CDH11: variants seen among roughly 807,000 people sequenced by gnomAD.
CDH11 encodes cadherin-11.
In CDH11, 11 loss-of-function variants were observed where a neutral mutation model predicts 67.8. The observed-to-expected ratio is 0.16, with a 90% CI of 0.10 to 0.27. The LOEUF (loss-of-function observed/expected upper bound fraction) is 0.27. CDH11 is among the 10% of genes least tolerant of loss of function. The pLI is 1.00. For synonymous variants in CDH11, 419 were observed against 400.0 expected (o/e 1.05, Z -0.57); for missense variants, 847 against 1,031.2 (o/e 0.82, Z 2.45).
intron 1 of CDH11, among the ~76,000 whole-genome samples, chr16:65,085,214 A>C (rs908609798): frequency 6.6e-6 from 1 of 152,282 alleles, no homozygotes; most frequent in Non-Finnish European, 1.5e-5. Flanking sequence ...CCTGGCCTTA[A>C]AAAATTATTT....
chr16:65,044,761 G>A (rs552822806), intron 2 of CDH11, among the ~76,000 whole-genome samples: 34 of 152,272 alleles, frequency 2.2e-4, no homozygotes, highest in African/African-American at 7.7e-4. Context: ...GCTTCTGGGA[G>A]TTGGGCCTGG....
At position 64,945,379 on chromosome 16, in the gene CDH11, T is replaced by G; in HGVS notation, c.*2224A>C. 2.0e-6 allele frequency: 2 copies of G among 1,024,116 alleles called. No individual in the cohort carries two copies. The highest frequency in any genetic ancestry group is 2.4e-6 in the Non-Finnish European group (2 of 849,922). 63.4% of individuals were successfully genotyped at this position (1,024,116 alleles called of 1,614,324 possible). A position where few individuals can be genotyped will look rare whatever the true frequency, so the allele number is the denominator to read the frequency against. On this transcript the variant is annotated 3_prime_UTR_variant, in exon 13 of 13. Transcript: ENST00000268603. ...AGTAAACAGCCTTTTTAAAAAAGACTTCAACATAAAAATGCGAAAATGTAG... is the reference window on the plus strand; with the variant it reads ...AGTAAACAGCCTTTTTAAAAAAGACGTCAACATAAAAATGCGAAAATGTAG...
intron 3 of CDH11, among the ~76,000 whole-genome samples, chr16:64,999,507 A>T (rs2072861930): frequency 6.6e-6 from 1 of 152,018 alleles, no homozygotes; most frequent in African/African-American, 2.4e-5. Context: ...TATGGAGGTT[A>T]TTATTTTTTA....
At chr16:65,004,526 C>G in intron 3 of CDH11, 116 bp downstream of exon 3, 1 of 1,052,918 alleles carries the variant, frequency 9.5e-7, no homozygotes, top group Non-Finnish European at 1.3e-6. Flanking sequence ...ACTGGCTCTT[C>G]AAGCCATTGG....
intron 2 of CDH11, among the ~76,000 whole-genome samples, chr16:65,006,143 T>A (rs547745286): frequency 6.6e-6 from 1 of 152,282 alleles, no homozygotes; most frequent in East Asian, 1.9e-4. Flanking sequence ...TTCTGGAGAA[T>A]CACCTTCTCT....
intron 8 of CDH11, 141 bp downstream of exon 8, chr16:64,981,907 C>A: frequency 1.4e-6 from 1 of 716,800 alleles, no homozygotes; most frequent in South Asian, 2.1e-5. Context: ...TCTTCTAAAT[C>A]TTAATCTTGT....
intron 11 of CDH11, among the ~76,000 whole-genome samples, chr16:64,966,262 T>C (rs551528459): frequency 4.7e-4 from 71 of 152,186 alleles, no homozygotes; most frequent in Non-Finnish European, 7.4e-4. Flanking sequence ...AGTCAGACCA[T>C]GGTTTTGGAC....
At chr16:64,948,179 C>A in intron 12 of CDH11, 80 bp from the exon 13 acceptor site, 1 of 1,527,106 alleles carries the variant, frequency 6.5e-7, no homozygotes, top group Non-Finnish European at 8.8e-7. Flanking sequence ...CTCTGATTAC[C>A]ATAAACCATG....
At chr16:64,988,860 C>A (rs1413452602) in intron 6 of CDH11, among the ~76,000 whole-genome samples, 1 of 152,146 alleles carries the variant, frequency 6.6e-6, no homozygotes, top group Non-Finnish European at 1.5e-5. Context: ...TTCGACACTC[C>A]CCTTATTTCA....
intron 2 of CDH11, among the ~76,000 whole-genome samples, chr16:65,030,716 G>A (rs895647188): frequency 1.3e-5 from 2 of 152,164 alleles, no homozygotes; most frequent in African/African-American, 4.8e-5. Context: ...GGCTACAGGA[G>A]CATGCCACTG....
At position 65,101,276 on chromosome 16, in the gene CDH11, G is replaced by C. The variant is rs371471929; in HGVS notation, c.-298+20604C>G. 2.0e-5 allele frequency among the ~76,000 whole-genome samples: 3 copies of C among 152,276 alleles called. No individual in the cohort carries two copies. In the East Asian group the frequency reaches 5.8e-4, roughly 30 times the overall value. On this transcript the variant is annotated intron_variant, in intron 1 of 12. Transcript: ENST00000268603. ...CAAGAAGACACCAACCAATCATGAG[G>C]AGAGACAGGCATGCACAAGCAGAGC...
chr16:65,060,354 TAGAGAG>T (rs199842037), intron 1 of CDH11, among the ~76,000 whole-genome samples: 2 of 144,952 alleles, frequency 1.4e-5, no homozygotes, highest in Admixed American at 1.4e-4. Context: ...TATATATATA[TAGAGAG>T]AGAGAGAGAG....
intron 2 of CDH11, among the ~76,000 whole-genome samples, chr16:65,024,306 G>C (rs2073489041): frequency 1.3e-5 from 2 of 152,054 alleles, no homozygotes; most frequent in South Asian, 4.1e-4. Context: ...CTGCCCTCAG[G>C]GAGTCTCAAG....
rs1452084488 is a variant in CDH11 at position 64,945,751 on chromosome 16, A to G, written c.*1852T>C. 22 of 1,043,424 alleles carry G rather than the reference A, an allele frequency of 2.1e-5. No homozygotes were observed. The highest frequency in any genetic ancestry group is 2.2e-5 in the Non-Finnish European group (19 of 865,446). The allele number at this position is 1,043,424 out of a possible 1,614,324, so 64.6% of individuals were successfully genotyped here. A position where few individuals can be genotyped will look rare whatever the true frequency, so the allele number is the denominator to read the frequency against. ...AAAATGGAAGTGAGCACTTCATAAA[A>G]AACATTTCTTTGTATGCATGTTGAC... On this transcript the variant is annotated 3_prime_UTR_variant, in exon 13 of 13. Coordinates refer to ENST00000268603, the MANE Select transcript of CDH11 (RefSeq NM_001797.4).
rs558719962 is a variant in CDH11, at chr16:64,971,925, G to T, written c.1524+6C>A. The T allele has an allele frequency of 6.5e-5, 105 of 1,613,804 alleles. No homozygotes were observed. In the South Asian group the frequency reaches 9.4e-4, roughly 15 times the overall value. ...TCCTAGCCAAGAATAGGGAAAGCAG[G>T]ATTACCTGGTTGGAAAGTGGCTTGG... On this transcript the variant is annotated splice_donor_region_variant and intron_variant, in intron 10 of 12. Transcript: ENST00000268603.
chr16:64,963,439 C>G (rs2071726332), intron 11 of CDH11, among the ~76,000 whole-genome samples: 1 of 152,014 alleles, frequency 6.6e-6, no homozygotes, highest in African/African-American at 2.4e-5. Context: ...AATAATACCC[C>G]AGAATATCCA....
chr16:64,981,097 CTTTTTTTTTTT>C (rs71376752), intron 8 of CDH11: 24 of 116,558 alleles, frequency 2.1e-4, no homozygotes, highest in East Asian at 4.5e-4. Flanking sequence ...TTCTTTCTTT[CTTTTTTTTTTT>C]TTTTTTTTTT....
intron 8 of CDH11, among the ~76,000 whole-genome samples, chr16:64,977,018 ACC>A (rs1481297436): frequency 6.6e-6 from 1 of 151,770 alleles, no homozygotes; most frequent in Non-Finnish European, 1.5e-5. Flanking sequence ...CATAGTGAGA[ACC>A]CCCTCTCTAC....
chr16:65,068,406 G>A (rs1438959764), intron 1 of CDH11, among the ~76,000 whole-genome samples: 2 of 57,984 alleles, frequency 3.4e-5, no homozygotes, highest in African/African-American at 7.8e-5. Context: ...AATAAGATAT[G>A]ACTACAGAAA....
Sources: allele counts gnomAD v4.1 joint callset (sites outside exome capture counted in the v4.1 genomes callset), GRCh38; gene constraint gnomAD v4.1.1; transcripts MANE v1.5; gene names NCBI Gene and HGNC (gene_info 2026-07-23, HGNC 2026-07-21).